The following PLA2G12B variants were observed in gnomAD, a reference collection of about 807,000 sequenced individuals.
The protein encoded by PLA2G12B is phospholipase A2 group XIIB, also known as group XIIB secretory phospholipase A2-like protein.
In PLA2G12B, 19 loss-of-function variants were observed where a neutral mutation model predicts 22.3. That is an observed-to-expected ratio of 0.85 (90% CI 0.60 to 1.25). The LOEUF (loss-of-function observed/expected upper bound fraction) is 1.25. Ranked by LOEUF, PLA2G12B falls within the 50% of genes most tolerant of loss-of-function variation. The pLI is 0.00. For synonymous variants in PLA2G12B, 81 were observed against 94.9 expected (o/e 0.85, Z 0.85); for missense variants, 191 against 246.6 (o/e 0.77, Z 1.51).
chr10:72,943,973 T>A (rs1023749029), intron 1 of PLA2G12B, among the ~76,000 whole-genome samples: 7 of 152,078 alleles, frequency 4.6e-5, no homozygotes, highest in African/African-American at 1.7e-4. Flanking sequence ...CTTTTCTTTC[T>A]TTCTTTTTCT....
chr10:72,941,324 C>A lies in PLA2G12B; in HGVS notation c.311G>T (p.Gly104Val). 6.2e-7 allele frequency: 1 copy of A among 1,613,126 alleles called. No individual in the cohort carries two copies. The change falls in exon 3 of 4, where the codon GGC becomes GTC. Residue 104 changes from glycine to valine, a missense_variant. Coordinates refer to ENST00000373032, the MANE Select transcript of PLA2G12B (RefSeq NM_032562.5). The part of the protein sequence containing the change: ...GLKVPESMDL[G>V]IPAMTKCCNQ... ...GCAGCACTTTGTCATTGCTGGAATGCCCAAGTCCATCTGGGGAAAAGTGAA... is the reference window on the plus strand; with the variant it reads ...GCAGCACTTTGTCATTGCTGGAATGACCAAGTCCATCTGGGGAAAAGTGAA...
At chr10:72,950,002 A>G (rs1372686495) in intron 1 of PLA2G12B, among the ~76,000 whole-genome samples, 1 of 152,154 alleles carries the variant, frequency 6.6e-6, no homozygotes, top group East Asian at 1.9e-4. Flanking sequence ...CCAGAAAAAA[A>G]AAAAAGAAAG....
chr10:72,935,661 G>T lies in PLA2G12B; in HGVS notation c.544C>A (p.Arg182=). ...LGCRPFMNSQ[R]AACICAEEEK... is the part of the protein sequence containing the mutation. The stretch of plus-strand genomic sequence containing the variant: ...TCCTCTGCACAGATGCAAGCTGCCC[G>T]CTGACTATTCATAAAGGGGCGGCAG... The change falls in exon 4 of 4, where the codon CGG becomes AGG. Residue 182 remains arginine (R), a synonymous_variant. Transcript: ENST00000373032. The T allele has an allele frequency of 1.9e-6, 3 of 1,614,120 alleles. No individual in the cohort carries two copies. Among genetic ancestry groups the T allele is most frequent in the Non-Finnish European group, 2.5e-6 (3 of 1,179,992 alleles).
chr10:72,941,377 C>G, intron 2 of PLA2G12B, 43 bp from the exon 3 acceptor site: 1 of 1,579,484 alleles, frequency 6.3e-7, no homozygotes, highest in Non-Finnish European at 8.7e-7. Flanking sequence ...GAAGAAATGC[C>G]ACGTTTAGAC....
At chr10:72,935,785 T>G (rs377458623) in intron 3 of PLA2G12B, 47 bp from the exon 4 acceptor site, 72 of 1,594,876 alleles carry the variant, frequency 4.5e-5, no homozygotes, top group Non-Finnish European at 6.1e-5. Context: ...TGAGTAATTT[T>G]GAAGAGTATT....
rs183965337 is a variant in PLA2G12B, at chr10:72,936,558, A to G, written c.467-820T>C. Among the ~76,000 whole-genome samples the G allele has an allele frequency of 9.8e-5, 15 of 152,298 alleles. No homozygotes were observed. In the East Asian group the frequency reaches 2.9e-3, roughly 29 times the overall value. On this transcript the variant is annotated intron_variant, in intron 3 of 3. Coordinates refer to ENST00000373032, the MANE Select transcript of PLA2G12B (RefSeq NM_032562.5). ...ATGAAATTTCCAGAATAGGCAATCC[A>G]TACAGAGAGTAAAATAGTGGTTGTC... is the stretch of plus-strand genomic sequence containing the variant.
intron 1 of PLA2G12B, among the ~76,000 whole-genome samples, chr10:72,949,933 T>C (rs539821007): frequency 9.2e-4 from 140 of 151,836 alleles, no homozygotes; most frequent in Middle Eastern, 6.8e-3. Context: ...GCCGAGATAG[T>C]ACCACTGCAC....
At chr10:72,944,557 T>G (rs924710876) in intron 1 of PLA2G12B, among the ~76,000 whole-genome samples, 1 of 152,252 alleles carries the variant, frequency 6.6e-6, no homozygotes, top group Non-Finnish European at 1.5e-5. Flanking sequence ...ATACTCAGTC[T>G]TCCCAAATAT....
rs184919685 is a variant in PLA2G12B, at chr10:72,939,332, T to C, written c.466+1837A>G. On this transcript the variant is annotated intron_variant, in intron 3 of 3. Coordinates refer to ENST00000373032, the MANE Select transcript of PLA2G12B (RefSeq NM_032562.5). Reference sequence around the variant, plus strand: ...GGGCCATCAACCCAAGGAGTTTGATTCACCAGGTTGGAAACACTTTGTGTA... The same window carrying C: ...GGGCCATCAACCCAAGGAGTTTGATCCACCAGGTTGGAAACACTTTGTGTA... Among the ~76,000 whole-genome samples the C allele has an allele frequency of 7.7e-4, 117 of 152,360 alleles. 1 individual carries two copies. Among genetic ancestry groups the C allele is most frequent in the Admixed American group, 3.1e-3 (48 of 15,304 alleles).
chr10:72,943,317 A>G (rs1846391440), intron 1 of PLA2G12B, among the ~76,000 whole-genome samples: 1 of 152,116 alleles, frequency 6.6e-6, no homozygotes, highest in African/African-American at 2.4e-5. Flanking sequence ...AACATTGAAG[A>G]TAAGGGCCAT....
intron 1 of PLA2G12B, among the ~76,000 whole-genome samples, chr10:72,952,353 G>A (rs918766134): frequency 6.6e-6 from 1 of 152,202 alleles, no homozygotes; most frequent in African/African-American, 2.4e-5. Flanking sequence ...AATTATCTGG[G>A]CATGGTGGCG....
chr10:72,950,930 T>C (rs1846520454), intron 1 of PLA2G12B, among the ~76,000 whole-genome samples: 1 of 152,204 alleles, frequency 6.6e-6, no homozygotes, highest in Non-Finnish European at 1.5e-5. Context: ...TCAGTCGTTG[T>C]TCCCTCGAGG....
At chr10:72,936,555 T>A (rs1160448888) in intron 3 of PLA2G12B, among the ~76,000 whole-genome samples, 1 of 152,090 alleles carries the variant, frequency 6.6e-6, no homozygotes, top group African/African-American at 2.4e-5. Flanking sequence ...GAATAGGCAA[T>A]CCATACAGAG....
chr10:72,941,186 A>G lies in PLA2G12B; in HGVS notation c.449T>C (p.Phe150Ser). ...ACACCTACCTTCCACTTTGGAGACA[A>G]AGCCCAGACTCCGCTTAAGGTCAGA... The part of the protein sequence containing the change: ...ICSDLKRSLG[F>S]VSKVEAACDS... Residue 150 changes from phenylalanine to serine, a missense_variant, in exon 3 of 4, where the codon TTT becomes TCT. By Grantham distance (155) the Phe-to-Ser change is radical. Transcript: ENST00000373032. The G allele has an allele frequency of 6.2e-7, 1 of 1,614,058 alleles. No homozygotes were observed.
At chr10:72,939,456 T>C (rs1464193530) in intron 3 of PLA2G12B, among the ~76,000 whole-genome samples, 2 of 152,196 alleles carry the variant, frequency 1.3e-5, no homozygotes, top group Non-Finnish European at 2.9e-5. Flanking sequence ...TGAAAATGCT[T>C]TTTGAGGATT....
chr10:72,947,639 T>G (rs1166141395), intron 1 of PLA2G12B, among the ~76,000 whole-genome samples: 4 of 152,224 alleles, frequency 2.6e-5, no homozygotes, highest in Non-Finnish European at 5.9e-5. Flanking sequence ...ATCACTTTTA[T>G]CTAGCTCAAA....
chr10:72,943,500 C>A (rs1293670152), intron 1 of PLA2G12B, among the ~76,000 whole-genome samples: 1 of 152,184 alleles, frequency 6.6e-6, no homozygotes, highest in African/African-American at 2.4e-5. Context: ...TAAACGTAGA[C>A]AGAGTATTAT....
intron 1 of PLA2G12B, among the ~76,000 whole-genome samples, chr10:72,943,492 A>C (rs562261062): frequency 6.6e-6 from 1 of 152,338 alleles, no homozygotes; most frequent in African/African-American, 2.4e-5. Flanking sequence ...AGATTCCATA[A>C]ACGTAGACAG....
intron 3 of PLA2G12B, among the ~76,000 whole-genome samples, chr10:72,937,516 G>C (rs1472864478): frequency 6.6e-6 from 1 of 152,122 alleles, no homozygotes; most frequent in Non-Finnish European, 1.5e-5. Context: ...AAAATTAGGA[G>C]AGAAGGGATC....
Sources: gnomAD v4.1 joint callset for allele counts (sites outside exome capture counted in the v4.1 genomes callset) on GRCh38, gnomAD v4.1.1 for gene constraint, MANE v1.5 for transcripts, NCBI Gene and HGNC (gene_info 2026-07-23, HGNC 2026-07-21) for gene names.